The following KIAA0232 variants were observed in gnomAD, a reference collection of about 807,000 sequenced individuals.
The protein encoded by KIAA0232 is uncharacterized protein KIAA0232.
KIAA0232 carries 27 observed loss-of-function variants against 122.0 expected under a neutral mutation model. The observed-to-expected ratio is 0.22, with a 90% CI of 0.16 to 0.31. KIAA0232 has a LOEUF of 0.31. Among genes scored for constraint, KIAA0232 ranks in the 10% least tolerant of loss-of-function variants. The pLI, the probability that KIAA0232 is intolerant of heterozygous loss-of-function variation, is 1.00. For missense variants in KIAA0232, 1,551 were observed against 1,634.2 expected (o/e 0.95, Z 0.88); for synonymous variants, 613 against 587.6 (o/e 1.04, Z -0.63).
Position 6,883,812 on chromosome 4 carries a change from T to TA in KIAA0232, c.*2847dup, listed in dbSNP as rs546513374. Reference sequence around the variant, plus strand: ...TATGTCCTTCTGTCACTCTGAGACATACACTGGTAACATCTGTGCAAGCCC... The same window carrying TA: ...TATGTCCTTCTGTCACTCTGAGACATAACACTGGTAACATCTGTGCAAGCCC... On this transcript the variant is annotated 3_prime_UTR_variant, in exon 10 of 10. Coordinates refer to ENST00000307659, the MANE Select transcript of KIAA0232 (RefSeq NM_014743.3). The TA allele has an allele frequency of 2.4e-4, 36 of 152,346 alleles. No homozygotes were observed. Among genetic ancestry groups the TA allele is most frequent in the African/African-American group, 7.9e-4 (33 of 41,580 alleles). The allele number at this position is 152,346 out of a possible 1,614,324, so 9.4% of individuals were successfully genotyped here. A position where few individuals can be genotyped will look rare whatever the true frequency, so the allele number is the denominator to read the frequency against.
intron 1 of KIAA0232, among the ~76,000 whole-genome samples, chr4:6,804,084 G>A (rs2108937503): frequency 6.6e-6 from 1 of 152,246 alleles, no homozygotes; most frequent in East Asian, 1.9e-4. Flanking sequence ...ATTTATTTGG[G>A]GAGAGTTCCA....
intron 3 of KIAA0232, among the ~76,000 whole-genome samples, chr4:6,836,528 C>CTTTTTTTTT (rs1323217192): frequency 1.0e-5 from 1 of 95,702 alleles, no homozygotes; most frequent in Non-Finnish European, 2.3e-5. Context: ...TGTCCTTTTT[C>CTTTTTTTTT]TTTTTTTTTT....
chr4:6,863,620 T>A lies in KIAA0232; in HGVS notation c.3238T>A (p.Ser1080Thr), dbSNP rs1721011516. 1 of 1,614,198 alleles carries A rather than the reference T, an allele frequency of 6.2e-7. No homozygotes were observed. Among genetic ancestry groups the A allele is most frequent in the Non-Finnish European group, 8.5e-7 (1 of 1,180,032 alleles). ...ACCGAAATCAATCCTCTGTTCTGAT[T>A]CAGACAGTGAAGTGTTTCACCCCAG... ...FKPKSILCSD[S>T]DSEVFHPRIC... is the part of the protein sequence containing the mutation. Residue 1080 changes from serine (S) to threonine (T), a missense_variant, in exon 7 of 10, where the codon TCA (serine) becomes ACA (threonine). By Grantham distance (58) the Ser-to-Thr change is moderately conservative. Transcript: ENST00000307659.
rs1330112362 is a variant in KIAA0232 at position 6,882,544 on chromosome 4, T to A, written c.*1578T>A. 6.6e-6 allele frequency: 1 copy of A among 151,982 alleles called. No individual in the cohort carries two copies. The highest frequency in any genetic ancestry group is 6.6e-5 in the Admixed American group (1 of 15,262). The allele number at this position is 151,982 out of a possible 1,614,324, so 9.4% of individuals were successfully genotyped here. A position where few individuals can be genotyped will look rare whatever the true frequency, so the allele number is the denominator to read the frequency against. On this transcript the variant is annotated 3_prime_UTR_variant, in exon 10 of 10. Coordinates refer to ENST00000307659, the MANE Select transcript of KIAA0232 (RefSeq NM_014743.3). ...CTGTGTGTCCTCACCGAGAGGGACC[T>A]GGTGTGCCCGCCGGGTCGATCTTCC...
chr4:6,857,089 T>C (rs1044399674), intron 4 of KIAA0232, 75 bp from the exon 5 acceptor site: 1 of 1,087,476 alleles, frequency 9.2e-7, no homozygotes, highest in African/African-American at 1.6e-5. Context: ...ACCTGTGTAT[T>C]AAAACAAAAG....
At chr4:6,841,915 C>T (rs1719681743) in intron 3 of KIAA0232, 152 bp from the exon 4 acceptor site, 3 of 804,340 alleles carry the variant, frequency 3.7e-6, no homozygotes, top group Non-Finnish European at 5.8e-6. Context: ...TCTTGGAATG[C>T]CAGCTCCCTT....
At chr4:6,878,412 CATAA>C (rs1245419545) in intron 9 of KIAA0232, among the ~76,000 whole-genome samples, 9 of 149,862 alleles carry the variant, frequency 6.0e-5, no homozygotes, top group Admixed American at 2.7e-4. Context: ...TACATACATA[CATAA>C]ATATATACAT....
intron 2 of KIAA0232, among the ~76,000 whole-genome samples, chr4:6,805,037 AT>A (rs749514507): frequency 3.4e-4 from 51 of 152,210 alleles, no homozygotes; most frequent in Non-Finnish European, 4.7e-4. Context: ...TTCAGCTTTG[AT>A]ATTTCCCTAA....
rs1473890106 is a variant in KIAA0232, at chr4:6,782,791, C to T, written c.-404C>T. ...GCAGCCGCCCGCAGCCCCTCGGAGCCAGAGGAGAGGCGCCCCCGCCGGCCG... is the reference window on the plus strand; with the variant it reads ...GCAGCCGCCCGCAGCCCCTCGGAGCTAGAGGAGAGGCGCCCCCGCCGGCCG... On this transcript the variant is annotated 5_prime_UTR_variant, in exon 1 of 10. Transcript: ENST00000307659. 1 of 148,792 alleles carries T rather than the reference C, an allele frequency of 6.7e-6. No homozygotes were observed. The highest frequency in any genetic ancestry group is 1.5e-5 in the Non-Finnish European group (1 of 66,760). The allele number at this position is 148,792 out of a possible 1,614,324, so 9.2% of individuals were successfully genotyped here. A position where few individuals can be genotyped will look rare whatever the true frequency, so the allele number is the denominator to read the frequency against.
At chr4:6,839,935 A>G (rs1403773005) in intron 3 of KIAA0232, among the ~76,000 whole-genome samples, 1 of 152,132 alleles carries the variant, frequency 6.6e-6, no homozygotes, top group Admixed American at 6.5e-5. Flanking sequence ...TTAGGGGCAA[A>G]TAGGGGTTAT....
At chr4:6,816,427 C>T (rs763300304) in intron 2 of KIAA0232, among the ~76,000 whole-genome samples, 2 of 151,916 alleles carry the variant, frequency 1.3e-5, no homozygotes, top group Non-Finnish European at 2.9e-5. Context: ...GGACTACAAG[C>T]GCCTGCCACC....
rs1433940618 is a variant in KIAA0232, at chr4:6,857,167, T to C, written c.373T>C (p.Ser125Pro). Reference protein sequence around the residue: ...QCLRSASDESSGIETLVEELC... With the variant: ...QCLRSASDESPGIETLVEELC... ...GTGTCTTTTTGTTGTCATGCAGAGC[T>C]CTGGTATCGAGACTTTAGTGGAGGA... Residue 125 changes from serine (S) to proline (P), a missense_variant, in exon 5 of 10, where the codon TCT (serine) becomes CCT (proline). Around this residue, in one of 5 missense-constraint regions of KIAA0232, gnomAD observed 377 missense variants for 381.7 expected, o/e 0.99. Transcript: ENST00000307659. The C allele has an allele frequency of 6.2e-7, 1 of 1,607,054 alleles. No individual in the cohort carries two copies. Among genetic ancestry groups the C allele is most frequent in the Non-Finnish European group, 8.5e-7 (1 of 1,176,680 alleles).
At chr4:6,793,931 C>T (rs1223003625) in intron 1 of KIAA0232, among the ~76,000 whole-genome samples, 4 of 152,214 alleles carry the variant, frequency 2.6e-5, no homozygotes, top group African/African-American at 9.7e-5. Flanking sequence ...TTCCGTCCTT[C>T]CAACTTAAAA....
chr4:6,824,440 G>A lies in KIAA0232; in HGVS notation c.-14G>A, dbSNP rs371826075. 10 of 1,604,794 alleles carry A rather than the reference G, an allele frequency of 6.2e-6. No homozygotes were observed. Among genetic ancestry groups the A allele is most frequent in the Middle Eastern group, 1.7e-4 (1 of 6,058 alleles). The stretch of plus-strand genomic sequence containing the variant: ...AAATGCTTCACATTTTAAGGATGTC[G>A]GCAACCTAAATTCATGTACCCTATC... On this transcript the variant is annotated 5_prime_UTR_variant, in exon 3 of 10. Transcript: ENST00000307659.
chr4:6,849,266 G>A (rs1201632753), intron 4 of KIAA0232, among the ~76,000 whole-genome samples: 1 of 152,146 alleles, frequency 6.6e-6, no homozygotes, highest in East Asian at 1.9e-4. Context: ...TTAGATGTGG[G>A]GTAGAGATAA....
intron 8 of KIAA0232, among the ~76,000 whole-genome samples, chr4:6,876,002 G>A (rs1218986689): frequency 6.6e-6 from 1 of 152,194 alleles, no homozygotes; most frequent in Non-Finnish European, 1.5e-5. Flanking sequence ...CCCAGATGAT[G>A]AGAATATGCA....
At chr4:6,789,904 C>T (rs188209176) in intron 1 of KIAA0232, among the ~76,000 whole-genome samples, 14 of 152,160 alleles carry the variant, frequency 9.2e-5, no homozygotes, top group Admixed American at 4.6e-4. Flanking sequence ...TGGCACATGT[C>T]TGTAGTCCCA....
intron 7 of KIAA0232, among the ~76,000 whole-genome samples, chr4:6,867,887 C>A (rs2108818197): frequency 6.6e-6 from 1 of 152,336 alleles, no homozygotes; most frequent in South Asian, 2.1e-4. Flanking sequence ...CATTTTCCAC[C>A]ACTCTGCACC....
chr4:6,825,373 C>T (rs1449306808), intron 3 of KIAA0232, among the ~76,000 whole-genome samples: 2 of 151,958 alleles, frequency 1.3e-5, no homozygotes, highest in East Asian at 3.9e-4. Flanking sequence ...CAACATAGAA[C>T]CCAGTCTTTA....
Sources: allele counts gnomAD v4.1 joint callset (sites outside exome capture counted in the v4.1 genomes callset), GRCh38; gene constraint gnomAD v4.1.1; regional missense constraint gnomAD v4.1.1; transcripts MANE v1.5; gene names NCBI Gene and HGNC (gene_info 2026-07-23, HGNC 2026-07-21).